The following TOP3A variants were observed in gnomAD, a reference collection of about 807,000 sequenced individuals.
TOP3A encodes DNA topoisomerase 3-alpha.
TOP3A carries 64 observed loss-of-function variants against 111.3 expected under a neutral mutation model. The ratio of observed to expected loss-of-function variants is 0.57; its 90% CI spans 0.47 to 0.71. TOP3A has a LOEUF of 0.71. TOP3A is among the 30% of genes least tolerant of loss of function. The pLI, the probability that TOP3A is intolerant of heterozygous loss-of-function variation, is 0.00. For synonymous variants in TOP3A, 484 were observed against 485.1 expected (o/e 1.00, Z 0.03); for missense variants, 1,104 against 1,285.0 (o/e 0.86, Z 2.15).
intron 6 of TOP3A, 42 bp downstream of exon 6, chr17:18,302,538 A>C (rs2142984018): frequency 6.2e-7 from 1 of 1,603,596 alleles, no homozygotes; most frequent in East Asian, 2.2e-5. Flanking sequence ...CCCATAACAC[A>C]ACATTAATGT....
Position 18,274,929 on chromosome 17 carries a change from G to T in TOP3A, c.2879C>A (p.Ser960Ter). Reference protein sequence around the residue: ...WTGDRGRTLESEARSKRPRAS... With the variant: ...WTGDRGRTLE Reference sequence around the variant, plus strand: ...CCGGGGCCTTTTGCTTCTGGCTTCCGACTCCAGGGTTCTTCCTCTGTCTCC... The same window carrying T: ...CCGGGGCCTTTTGCTTCTGGCTTCCTACTCCAGGGTTCTTCCTCTGTCTCC... The change falls in exon 19 of 19, where the codon TCG (serine) becomes TAG (stop). Residue 960 changes from serine (S) to a stop codon, truncating the protein, a stop_gained. Coordinates refer to ENST00000321105, the MANE Select transcript of TOP3A (RefSeq NM_004618.5). LOFTEE classifies it high-confidence loss of function. 1 of 1,614,078 alleles carries T rather than the reference G, an allele frequency of 6.2e-7. No homozygotes were observed. Among genetic ancestry groups the T allele is most frequent in the Non-Finnish European group, 8.5e-7 (1 of 1,180,024 alleles).
intron 13 of TOP3A, among the ~76,000 whole-genome samples, chr17:18,288,457 A>T (rs1251853584): frequency 1.3e-5 from 2 of 150,782 alleles, no homozygotes; most frequent in Non-Finnish European, 3.0e-5. Flanking sequence ...ATAATCTTTT[A>T]AAAATATTAT....
At chr17:18,308,999 G>GT in intron 1 of TOP3A, 58 bp from the exon 2 acceptor site, 5 of 959,188 alleles carry the variant, frequency 5.2e-6, no homozygotes, top group Non-Finnish European at 7.5e-6. Context: ...GGATTCCTTT[G>GT]TATAATTCTT....
intron 1 of TOP3A, among the ~76,000 whole-genome samples, chr17:18,309,923 A>G (rs1021344891): frequency 6.7e-6 from 1 of 150,148 alleles, no homozygotes; most frequent in Admixed American, 6.6e-5. Flanking sequence ...TGTTAGCCAG[A>G]ATGTTCTCAA....
At chr17:18,307,859 G>A (rs1406286959) in intron 3 of TOP3A, among the ~76,000 whole-genome samples, 6 of 139,388 alleles carry the variant, frequency 4.3e-5, no homozygotes, top group African/African-American at 1.4e-4. Flanking sequence ...GCAGTGAGAC[G>A]AGATTGCGCC....
chr17:18,301,294 C>T (rs1478167002), intron 8 of TOP3A, among the ~76,000 whole-genome samples: 1 of 152,208 alleles, frequency 6.6e-6, no homozygotes, highest in East Asian at 1.9e-4. Flanking sequence ...CACCAACTGG[C>T]CTATGACCCG....
chr17:18,298,369 CGGGA>C (rs1980989849), intron 9 of TOP3A, among the ~76,000 whole-genome samples: 2 of 144,448 alleles, frequency 1.4e-5, no homozygotes, highest in African/African-American at 5.6e-5. Flanking sequence ...CCGCCCCATC[CGGGA>C]GGGAGGTGGG....
intron 16 of TOP3A, among the ~76,000 whole-genome samples, chr17:18,282,018 A>G (rs1050978970): frequency 6.6e-6 from 1 of 152,124 alleles, no homozygotes; most frequent in Non-Finnish European, 1.5e-5. Context: ...CTGATGAATG[A>G]TGGCTGCCAC....
At chr17:18,303,419 G>A (rs1413013271) in intron 5 of TOP3A, among the ~76,000 whole-genome samples, 1 of 152,166 alleles carries the variant, frequency 6.6e-6, no homozygotes, top group African/African-American at 2.4e-5. Flanking sequence ...AAAGAGTAAG[G>A]CCTCTATGCG....
chr17:18,311,252 A>G (rs7210790), intron 1 of TOP3A, among the ~76,000 whole-genome samples: 109,254 of 151,744 alleles, frequency 0.72, 40,009 homozygotes, highest in African/African-American at 0.86. Flanking sequence ...CGCCCACCTC[A>G]GCCTCCCAGA....
Position 18,302,737 on chromosome 17 carries a change from G to C in TOP3A, c.500-14C>G. ...GATTGGGCTTTACTGCAGAACACAA[G>C]GTGTTACCAAGGTCAAAGTCAAATC... On this transcript the variant is annotated splice_polypyrimidine_tract_variant and intron_variant, in intron 5 of 18. Coordinates refer to ENST00000321105, the MANE Select transcript of TOP3A (RefSeq NM_004618.5). The C allele has an allele frequency of 6.2e-7, 1 of 1,604,058 alleles. No individual in the cohort carries two copies. The highest frequency in any genetic ancestry group is 8.5e-7 in the Non-Finnish European group (1 of 1,172,050).
At position 18,294,796 on chromosome 17, in the gene TOP3A, G is replaced by A. The variant is rs750058252; in HGVS notation, c.991-11C>T. The A allele has an allele frequency of 1.9e-6, 3 of 1,600,138 alleles. No homozygotes were observed. The highest frequency in any genetic ancestry group is 2.2e-5 in the South Asian group (2 of 90,698). On this transcript the variant is annotated splice_polypyrimidine_tract_variant and intron_variant, in intron 9 of 18. Coordinates refer to ENST00000321105, the MANE Select transcript of TOP3A (RefSeq NM_004618.5). ...CAGCTTCTCAAGCTCCTGTGAAATG[G>A]GTCAACAGGCATGTTAGGTGTACTG...
chr17:18,301,977 C>T lies in TOP3A; in HGVS notation c.823G>A (p.Asp275Asn). ...AATTCTACGATACCATCTTTGTGGT[C>T]ATGAGTTACTATATTAAGGAGAGAC... ...EIFHRIKVTH[D>N]HKDGIVEFNW... Residue 275 changes from aspartate (D) to asparagine (N), a missense_variant, in exon 8 of 19, where the codon GAC (aspartate) becomes AAC (asparagine). Transcript: ENST00000321105. 1.6e-5 allele frequency: 26 copies of T among 1,613,850 alleles called. No homozygotes were observed. Among genetic ancestry groups the T allele is most frequent in the Non-Finnish European group, 2.2e-5 (26 of 1,179,826 alleles).
intron 9 of TOP3A, among the ~76,000 whole-genome samples, chr17:18,295,761 G>A (rs1266441724): frequency 8.8e-5 from 13 of 147,826 alleles, no homozygotes; most frequent in Non-Finnish European, 1.6e-4. Flanking sequence ...GTCTGGCCCA[G>A]AAATCTACAT....
intron 1 of TOP3A, 143 bp from the exon 2 acceptor site, chr17:18,309,084 A>G (rs1981757106): frequency 2.1e-6 from 1 of 477,908 alleles, no homozygotes; most frequent in Non-Finnish European, 3.7e-6. Flanking sequence ...AAAGAAGATA[A>G]GAAATGGCCA....
chr17:18,309,870 C>T (rs529003733), intron 1 of TOP3A, among the ~76,000 whole-genome samples: 91 of 150,634 alleles, frequency 6.0e-4, no homozygotes, highest in Middle Eastern at 3.4e-3. Flanking sequence ...CCACCACGCC[C>T]GGCTAATTTT....
chr17:18,305,189 T>C lies in TOP3A; in HGVS notation c.422A>G (p.Gln141Arg). The change falls in exon 5 of 19, where the codon CAG (glutamine) becomes CGG (arginine). Residue 141 changes from glutamine (Q) to arginine (R), a missense_variant. Coordinates refer to ENST00000321105, the MANE Select transcript of TOP3A (RefSeq NM_004618.5). ...KTLERETRQC[Q>R]ALVIWTDCDR... ...ACAGTCAGTCCAGATCACCAGAGCC[T>C]GGCACTGGCGAGTCTCTCGTTCCAA... 1 of 1,614,184 alleles carries C rather than the reference T, an allele frequency of 6.2e-7. No homozygotes were observed. Among genetic ancestry groups the C allele is most frequent in the Non-Finnish European group, 8.5e-7 (1 of 1,180,018 alleles).
chr17:18,292,588 C>G, intron 11 of TOP3A, 57 bp downstream of exon 11: 1 of 1,420,844 alleles, frequency 7.0e-7, no homozygotes, highest in Non-Finnish European at 9.4e-7. Flanking sequence ...AACCTTACTA[C>G]TGACCCCCAG....
chr17:18,314,289 A>G (rs745486526), intron 1 of TOP3A, among the ~76,000 whole-genome samples: 13 of 152,226 alleles, frequency 8.5e-5, no homozygotes, highest in African/African-American at 1.4e-4. Flanking sequence ...ACACTTCCCC[A>G]GCCTCACACA....
Sources: allele counts gnomAD v4.1 joint callset (sites outside exome capture counted in the v4.1 genomes callset), GRCh38; gene constraint gnomAD v4.1.1; transcripts MANE v1.5; gene names NCBI Gene and HGNC (gene_info 2026-07-23, HGNC 2026-07-21).